The following KCNN2 variants were observed in gnomAD, a reference collection of about 807,000 sequenced individuals.
KCNN2 encodes small conductance calcium-activated potassium channel protein 2.
In KCNN2, 24 loss-of-function variants were observed where a neutral mutation model predicts 55.5. The ratio of observed to expected loss-of-function variants is 0.43; its 90% CI spans 0.31 to 0.61. The LOEUF is 0.61. KCNN2 is among the 20% of genes least tolerant of loss of function. The pLI, the probability that KCNN2 is intolerant of heterozygous loss-of-function variation, is 0.08. For missense variants in KCNN2, 754 were observed against 853.6 expected (o/e 0.88, Z 1.45); for synonymous variants, 431 against 336.1 (o/e 1.28, Z -3.09).
At chr5:114,106,799 T>C (rs765327258) in intron 1 of KCNN2, among the ~76,000 whole-genome samples, 6 of 152,002 alleles carry the variant, frequency 3.9e-5, no homozygotes, top group Non-Finnish European at 8.8e-5. Context: ...ATCAGCTATA[T>C]GTATTGAAAA....
intron 1 of KCNN2, among the ~76,000 whole-genome samples, chr5:114,185,713 G>T (rs984702358): frequency 1.3e-5 from 2 of 152,186 alleles, no homozygotes; most frequent in African/African-American, 4.8e-5. Flanking sequence ...AACAGTAATT[G>T]ATACGTAGAG....
chr5:114,492,525 T>C (rs1296539912), intron 6 of KCNN2, among the ~76,000 whole-genome samples: 1 of 152,194 alleles, frequency 6.6e-6, no homozygotes, highest in African/African-American at 2.4e-5. Context: ...TGGTACATAG[T>C]AAACACTGAA....
At chr5:114,356,319 C>T (rs1166856772) in intron 2 of KCNN2, among the ~76,000 whole-genome samples, 1 of 152,108 alleles carries the variant, frequency 6.6e-6, no homozygotes, top group Non-Finnish European at 1.5e-5. Context: ...ACATAAGAAA[C>T]TACTTTATAA....
At chr5:114,440,837 G>A (rs1284314605) in intron 3 of KCNN2, among the ~76,000 whole-genome samples, 1 of 31,140 alleles carries the variant, frequency 3.2e-5, no homozygotes, top group Non-Finnish European at 1.4e-4. Context: ...TAACAAACAG[G>A]GAATTATTAA....
intron 1 of KCNN2, among the ~76,000 whole-genome samples, chr5:114,082,298 T>C (rs907491272): frequency 6.6e-6 from 1 of 150,612 alleles, no homozygotes; most frequent in African/African-American, 2.5e-5. Context: ...CACTCCAGCC[T>C]GGGTGATAGA....
At position 114,363,209 on chromosome 5, in the gene KCNN2, G is replaced by C; in HGVS notation, c.1070G>C (p.Gly357Ala). ...TACGCGCTCATCTTCGGCATGTTCG[G>C]CATCGTGGTCATGGTCATCGAGACC... ...SDYALIFGMF[G>A]IVVMVIETEL... The change falls in exon 1 of 8, where the codon GGC (glycine) becomes GCC (alanine). Residue 357 changes from glycine (G) to alanine (A), a missense_variant. Gly to Ala is a moderately conservative substitution (Grantham distance 60, BLOSUM62 0). This residue lies in a region of KCNN2 where 123 missense variants were observed against 204.9 expected (regional missense o/e 0.60). Coordinates refer to ENST00000673685, the MANE Select transcript of KCNN2 (RefSeq NM_021614.4). 1 of 1,613,322 alleles carries C rather than the reference G, an allele frequency of 6.2e-7. No individual in the cohort carries two copies. Among genetic ancestry groups the C allele is most frequent in the Non-Finnish European group, 8.5e-7 (1 of 1,180,006 alleles).
chr5:114,137,418 A>G (rs1346066895), intron 1 of KCNN2, among the ~76,000 whole-genome samples: 1 of 152,176 alleles, frequency 6.6e-6, no homozygotes, highest in South Asian at 2.1e-4. Context: ...CTTCATGCAC[A>G]CATCACAGGG....
intron 1 of KCNN2, among the ~76,000 whole-genome samples, chr5:114,134,793 T>TCTTC (rs1023768149): frequency 1.3e-5 from 2 of 152,146 alleles, no homozygotes; most frequent in Non-Finnish European, 2.9e-5. Flanking sequence ...ATAATTCTTA[T>TCTTC]CTTCCTTACA....
At chr5:114,468,618 C>T (rs1761562913) in intron 4 of KCNN2, among the ~76,000 whole-genome samples, 2 of 152,132 alleles carry the variant, frequency 1.3e-5, no homozygotes, top group South Asian at 4.1e-4. Flanking sequence ...ATAAATCCCA[C>T]AGGAGGATAC....
At chr5:114,474,228 T>C (rs1475190000) in intron 5 of KCNN2, among the ~76,000 whole-genome samples, 1 of 152,196 alleles carries the variant, frequency 6.6e-6, no homozygotes, top group Non-Finnish European at 1.5e-5. Flanking sequence ...GGCCAGTCAT[T>C]TTAATGCAAA....
intron 2 of KCNN2, among the ~76,000 whole-genome samples, chr5:114,376,487 C>T (rs2150053999): frequency 6.6e-6 from 1 of 152,236 alleles, no homozygotes; most frequent in Non-Finnish European, 1.5e-5. Context: ...GACATGCTGC[C>T]ATATGGGAAC....
intron 3 of KCNN2, among the ~76,000 whole-genome samples, chr5:114,422,821 T>C (rs1284279148): frequency 6.6e-6 from 1 of 152,210 alleles, no homozygotes; most frequent in Non-Finnish European, 1.5e-5. Flanking sequence ...CTAATCTGAC[T>C]GGAACTTCTC....
chr5:114,490,890 T>C (rs533530614), intron 6 of KCNN2, among the ~76,000 whole-genome samples: 1 of 152,290 alleles, frequency 6.6e-6, no homozygotes, highest in South Asian at 2.1e-4. Flanking sequence ...TTTTTCTTTT[T>C]TGGGGGGAAA....
chr5:114,276,816 G>A (rs1216386967), intron 2 of KCNN2, among the ~76,000 whole-genome samples: 1 of 151,884 alleles, frequency 6.6e-6, no homozygotes, highest in Non-Finnish European at 1.5e-5. Flanking sequence ...CTTTTGATTG[G>A]GACATTTAGT....
intron 1 of KCNN2, among the ~76,000 whole-genome samples, chr5:114,217,401 A>G (rs984528106): frequency 2.6e-5 from 4 of 152,166 alleles, no homozygotes; most frequent in Non-Finnish European, 5.9e-5. Context: ...ATAGACAAAT[A>G]CATCAATGGA....
At chr5:114,235,422 A>G (rs77334844) in intron 2 of KCNN2, among the ~76,000 whole-genome samples, 2,170 of 152,330 alleles carry the variant, frequency 0.014, 48 homozygotes, top group African/African-American at 0.049. Context: ...CACCTTAATT[A>G]TAACAGTGTC....
intron 1 of KCNN2, among the ~76,000 whole-genome samples, chr5:114,217,050 C>G (rs1754020564): frequency 6.6e-6 from 1 of 151,956 alleles, no homozygotes. Flanking sequence ...ATAAATCTAT[C>G]AAAATATGTA....
chr5:114,318,867 G>A (rs1470484530), intron 2 of KCNN2, among the ~76,000 whole-genome samples: 2 of 151,960 alleles, frequency 1.3e-5, no homozygotes, highest in African/African-American at 4.8e-5. Flanking sequence ...TATTTTGATT[G>A]TGTTCCTTTT....
intron 1 of KCNN2, among the ~76,000 whole-genome samples, chr5:114,146,275 AC>A (rs1342051288): frequency 2.0e-5 from 3 of 152,166 alleles, no homozygotes; most frequent in Non-Finnish European, 4.4e-5. Context: ...TGAGGGGTAG[AC>A]AACTCCTTAT....
Sources: gnomAD v4.1 joint callset for allele counts (sites outside exome capture counted in the v4.1 genomes callset) on GRCh38, gnomAD v4.1.1 for gene constraint, gnomAD v4.1.1 regional missense constraint, MANE v1.5 for transcripts, NCBI Gene and HGNC (gene_info 2026-07-23, HGNC 2026-07-21) for gene names.